MALSU1: variants seen among roughly 807,000 people sequenced by gnomAD.
The protein encoded by MALSU1 is mitochondrial assembly of ribosomal large subunit protein 1.
MALSU1 carries 22 observed loss-of-function variants against 22.1 expected under a neutral mutation model. The observed-to-expected ratio is 1.00, with a 90% CI of 0.71 to 1.42. MALSU1 has a LOEUF of 1.42. Ranked by LOEUF, MALSU1 falls within the 40% of genes most tolerant of loss-of-function variation. The probability of loss-of-function intolerance (pLI) is 0.00; values close to 1 mark genes in which losing one functional copy is unlikely to be tolerated. For synonymous variants in MALSU1, 153 were observed against 118.5 expected, an observed-to-expected ratio of 1.29 and a Z score of -1.89; for missense variants, 379 against 308.3, an observed-to-expected ratio of 1.23 and a Z score of -1.72.
intron 2 of MALSU1, 90 bp from the exon 3 acceptor site, chr7:23,307,778 A>AC (rs1783740572): frequency 1.3e-6 from 1 of 789,640 alleles, no homozygotes; most frequent in Non-Finnish European, 2.1e-6. Context: ...ATTAAAAAAA[A>AC]CAAACAAACA....
Position 23,300,925 on chromosome 7 carries a change from C to T in MALSU1, c.343C>T (p.Pro115Ser), listed in dbSNP as rs143110260. Residue 115 changes from proline to serine, a missense_variant, in exon 2 of 4, where the codon CCT (proline) becomes TCT (serine). Physicochemically the swap from Pro to Ser is moderately conservative, Grantham distance 74 (BLOSUM62 -1). Coordinates refer to ENST00000466681, the MANE Select transcript of MALSU1 (RefSeq NM_138446.2). The stretch of plus-strand genomic sequence containing the variant: ...AAGAGACATTTGTGTGATCCAGGTT[C>T]CTCCAGAAATGAGATATACAGATTA... ...NARDICVIQV[P>S]PEMRYTDYFV... The T allele has an allele frequency of 1.1e-5, 17 of 1,613,822 alleles. No individual in the cohort carries two copies. The African/African-American group carries it at 1.5e-4, about 14-fold the overall frequency.
intron 3 of MALSU1, among the ~76,000 whole-genome samples, chr7:23,308,580 G>A (rs1783756025): frequency 6.6e-6 from 1 of 152,124 alleles, no homozygotes; most frequent in East Asian, 1.9e-4. Context: ...TAGAGACAAA[G>A]AACAGTTTAT....
intron 2 of MALSU1, among the ~76,000 whole-genome samples, chr7:23,302,001 C>T (rs1783655213): frequency 6.6e-6 from 1 of 151,984 alleles, no homozygotes; most frequent in South Asian, 2.1e-4. Context: ...TTCAGTTCTG[C>T]AGTTATATTA....
At position 23,300,951 on chromosome 7, in the gene MALSU1, C is replaced by T. The variant is rs1294052141; in HGVS notation, c.369C>T (p.Tyr123=). ...QVPPEMRYTD[Y]FVIVSGTSTR... ...CTCCAGAAATGAGATATACAGATTA[C>T]TTTGTGATTGTTAGTGGAACTTCTA... is the stretch of plus-strand genomic sequence containing the variant. The change falls in exon 2 of 4, where the codon TAC becomes TAT. Residue 123 remains tyrosine (Y), a synonymous_variant. Coordinates refer to ENST00000466681, the MANE Select transcript of MALSU1 (RefSeq NM_138446.2). 4.3e-6 allele frequency: 7 copies of T among 1,613,996 alleles called. No homozygotes were observed. Among genetic ancestry groups the T allele is most frequent in the Non-Finnish European group, 5.9e-6 (7 of 1,179,956 alleles).
chr7:23,300,557 G>C (rs1386064850), intron 1 of MALSU1, among the ~76,000 whole-genome samples: 1 of 152,172 alleles, frequency 6.6e-6, no homozygotes, highest in African/African-American at 2.4e-5. Context: ...AGTATTAGTA[G>C]AAAGTCATTT....
chr7:23,303,090 A>G (rs1008590118), intron 2 of MALSU1, among the ~76,000 whole-genome samples: 5 of 152,198 alleles, frequency 3.3e-5, no homozygotes, highest in East Asian at 1.9e-4. Context: ...TGTGTTGTTC[A>G]GTAGCTTTAA....
intron 2 of MALSU1, among the ~76,000 whole-genome samples, chr7:23,305,525 G>A (rs371598087): frequency 5.3e-5 from 8 of 151,656 alleles, no homozygotes; most frequent in African/African-American, 9.7e-5. Flanking sequence ...ACAGGTGCCC[G>A]CCACCATGCC....
chr7:23,309,594 T>C lies in MALSU1; in HGVS notation c.*51T>C, dbSNP rs763704499. 14 of 1,449,572 alleles carry C rather than the reference T, an allele frequency of 9.7e-6. No individual in the cohort carries two copies. Among genetic ancestry groups the C allele is most frequent in the South Asian group, 5.3e-5 (4 of 75,730 alleles). 89.8% of individuals were successfully genotyped at this position (1,449,572 alleles called of 1,614,324 possible). On this transcript the variant is annotated 3_prime_UTR_variant, in exon 4 of 4. Transcript: ENST00000466681. ...TTTCAGATTTGGATTGAGTCACTTA[T>C]TGGAAAATACAGCTCCTAAAGTCCG...
intron 2 of MALSU1, among the ~76,000 whole-genome samples, chr7:23,306,145 G>A (rs968589134): frequency 6.6e-6 from 1 of 151,966 alleles, no homozygotes; most frequent in African/African-American, 2.4e-5. Context: ...TGTGAGCCGC[G>A]ATTGCGCCAT....
chr7:23,301,693 G>A (rs1562655831), intron 2 of MALSU1, among the ~76,000 whole-genome samples: 2 of 152,140 alleles, frequency 1.3e-5, no homozygotes, highest in African/African-American at 4.8e-5. Context: ...AAATTCAGCC[G>A]GGCGTGGTGG....
Position 23,299,628 on chromosome 7 carries a change from C to T in MALSU1, c.256+20C>T, listed in dbSNP as rs779782901. 41 of 1,552,406 alleles carry T rather than the reference C, an allele frequency of 2.6e-5. No homozygotes were observed. Among genetic ancestry groups the T allele is most frequent in the Middle Eastern group, 1.7e-4 (1 of 5,978 alleles). On this transcript the variant is annotated intron_variant, in intron 1 of 3. Coordinates refer to ENST00000466681, the MANE Select transcript of MALSU1 (RefSeq NM_138446.2). Reference sequence around the variant, plus strand: ...CGGCAGGTACGGGCGTGGAGAAGAACGAAGGCGACCCTCTCCGGGCAGTCT... The same window carrying T: ...CGGCAGGTACGGGCGTGGAGAAGAATGAAGGCGACCCTCTCCGGGCAGTCT...
rs1183130530 is a variant in MALSU1, at chr7:23,310,303, A to T, written c.*760A>T. On this transcript the variant is annotated 3_prime_UTR_variant, in exon 4 of 4. Coordinates refer to ENST00000466681, the MANE Select transcript of MALSU1 (RefSeq NM_138446.2). ...ATTATACATGAGGAATGATCCATAT[A>T]TGGTGAGTACAAAACTCAATTATAG... The T allele has an allele frequency of 6.6e-6, 1 of 152,238 alleles. No homozygotes were observed. Among genetic ancestry groups the T allele is most frequent in the Non-Finnish European group, 1.5e-5 (1 of 68,042 alleles). The allele number at this position is 152,238 out of a possible 1,614,324, so 9.4% of individuals were successfully genotyped here.
intron 2 of MALSU1, among the ~76,000 whole-genome samples, chr7:23,302,445 C>T (rs1392328308): frequency 6.6e-6 from 1 of 151,978 alleles, no homozygotes; most frequent in African/African-American, 2.4e-5. Context: ...AAAGGTGGGG[C>T]CTATACACAA....
At chr7:23,304,620 C>G (rs748595226) in intron 2 of MALSU1, among the ~76,000 whole-genome samples, 19 of 152,290 alleles carry the variant, frequency 1.2e-4, no homozygotes, top group Admixed American at 7.9e-4. Context: ...TCACCTCAGC[C>G]TCCCAAGTTG....
At chr7:23,309,286 G>GTGTGT in intron 3 of MALSU1, 70 bp from the exon 4 acceptor site, 1 of 1,353,960 alleles carries the variant, frequency 7.4e-7, no homozygotes, top group South Asian at 1.4e-5. Flanking sequence ...GTTAGCCAGT[G>GTGTGT]TGTGTTGTAA....
intron 2 of MALSU1, among the ~76,000 whole-genome samples, chr7:23,301,659 C>T (rs1783650682): frequency 6.6e-6 from 1 of 152,154 alleles, no homozygotes; most frequent in South Asian, 2.1e-4. Flanking sequence ...CTACATGTGC[C>T]TATTTAATTA....
At position 23,299,580 on chromosome 7, in the gene MALSU1, C is replaced by T. The variant is rs1424645074; in HGVS notation, c.228C>T (p.Asn76=). The change falls in exon 1 of 4, where the codon AAC becomes AAT. Residue 76 remains asparagine, a synonymous_variant. Coordinates refer to ENST00000466681, the MANE Select transcript of MALSU1 (RefSeq NM_138446.2). ...AGGAGCGGGCGGAGGGGACGGTCAACGAGGGACGCCCAGAATCGGACGCGG... is the reference window on the plus strand; with the variant it reads ...AGGAGCGGGCGGAGGGGACGGTCAATGAGGGACGCCCAGAATCGGACGCGG... ...GLEERAEGTV[N]EGRPESDAAD... 3 of 1,599,688 alleles carry T rather than the reference C, an allele frequency of 1.9e-6. No homozygotes were observed. The South Asian group carries it at 3.4e-5, about 18-fold the overall frequency.
intron 2 of MALSU1, among the ~76,000 whole-genome samples, chr7:23,305,113 T>C (rs991205138): frequency 4.6e-5 from 7 of 152,228 alleles, no homozygotes; most frequent in Non-Finnish European, 8.8e-5. Flanking sequence ...TAGTTTTCCA[T>C]GTGGACATTT....
intron 2 of MALSU1, among the ~76,000 whole-genome samples, chr7:23,306,971 A>G (rs1238186201): frequency 6.6e-6 from 1 of 152,168 alleles, no homozygotes; most frequent in African/African-American, 2.4e-5. Flanking sequence ...ATATTTGGTA[A>G]AACTCATCAG....
Sources: allele counts gnomAD v4.1 joint callset (sites outside exome capture counted in the v4.1 genomes callset), GRCh38; gene constraint gnomAD v4.1.1; transcripts MANE v1.5; gene names NCBI Gene and HGNC (gene_info 2026-07-23, HGNC 2026-07-21).